ADAMTSL1: variants seen among roughly 807,000 people sequenced by gnomAD.
ADAMTSL1 encodes the protein ADAMTS-like protein 1.
A neutral mutation model predicts 201.8 loss-of-function variants in ADAMTSL1; 126 were observed. That is an observed-to-expected ratio of 0.62 (90% CI 0.54 to 0.72). The LOEUF (loss-of-function observed/expected upper bound fraction) is 0.72. ADAMTSL1 is among the 30% of genes least tolerant of loss of function. ADAMTSL1 has a pLI of 0.00. For missense variants in ADAMTSL1, 2,679 were observed against 2,277.8 expected (o/e 1.18, Z -3.59); for synonymous variants, 1,121 against 903.4 (o/e 1.24, Z -4.32).
chr9:18,829,779 T>C (rs762816275), intron 22 of ADAMTSL1, 64 bp from the exon 23 acceptor site: 6 of 1,602,102 alleles, frequency 3.7e-6, no homozygotes, highest in Non-Finnish European at 2.6e-6. Context: ...TACCCACCTC[T>C]TCCTCTTGCC....
At chr9:18,402,149 G>T (rs1022808859) in intron 2 of ADAMTSL1, among the ~76,000 whole-genome samples, 1 of 152,076 alleles carries the variant, frequency 6.6e-6, no homozygotes, top group Admixed American at 6.5e-5. Flanking sequence ...AGGCTCATTT[G>T]TCTGAAATCA....
intron 2 of ADAMTSL1, among the ~76,000 whole-genome samples, chr9:18,226,929 G>C (rs1012791484): frequency 6.6e-6 from 1 of 152,070 alleles, no homozygotes; most frequent in Non-Finnish European, 1.5e-5. Context: ...TTTGATGAAG[G>C]ATGGGGTCCA....
At chr9:17,935,327 T>C (rs1283911367) in intron 1 of ADAMTSL1, among the ~76,000 whole-genome samples, 1 of 152,146 alleles carries the variant, frequency 6.6e-6, no homozygotes, top group Non-Finnish European at 1.5e-5. Flanking sequence ...TTGGACACTT[T>C]CATTTTTTTC....
intron 7 of ADAMTSL1, among the ~76,000 whole-genome samples, chr9:18,641,124 C>G (rs537843293): frequency 1.3e-5 from 2 of 152,130 alleles, no homozygotes; most frequent in South Asian, 2.1e-4. Flanking sequence ...AACTCATTAC[C>G]TTTGCAGGAT....
chr9:18,024,616 A>G (rs560583634), intron 1 of ADAMTSL1, among the ~76,000 whole-genome samples: 7 of 152,212 alleles, frequency 4.6e-5, no homozygotes, highest in Admixed American at 2.6e-4. Flanking sequence ...TTATGGCCAT[A>G]TAGTATTCCA....
intron 2 of ADAMTSL1, among the ~76,000 whole-genome samples, chr9:18,193,836 T>G (rs1409608380): frequency 6.6e-6 from 1 of 152,142 alleles, no homozygotes; most frequent in African/African-American, 2.4e-5. Context: ...ATCCTCCCAG[T>G]CCCTTATTAT....
intron 1 of ADAMTSL1, among the ~76,000 whole-genome samples, chr9:18,502,427 GAGTT>G (rs1564001284): frequency 6.6e-6 from 1 of 152,204 alleles, no homozygotes; most frequent in African/African-American, 2.4e-5. Context: ...GGCAAACAAA[GAGTT>G]AGATGATACA....
chr9:18,666,752 C>A (rs1829460154), intron 9 of ADAMTSL1, among the ~76,000 whole-genome samples: 1 of 152,098 alleles, frequency 6.6e-6, no homozygotes, highest in Admixed American at 6.6e-5. Context: ...GCCTGTGGTT[C>A]AGCAACAACT....
intron 4 of ADAMTSL1, among the ~76,000 whole-genome samples, chr9:18,613,686 C>T (rs1400714899): frequency 6.6e-6 from 1 of 151,946 alleles, no homozygotes. Flanking sequence ...ATGACAAGAA[C>T]ACATGAAGAC....
intron 1 of ADAMTSL1, among the ~76,000 whole-genome samples, chr9:18,503,441 A>ATATATATATATATATATATATATATC (rs1822953348): frequency 6.8e-6 from 1 of 146,090 alleles, no homozygotes; most frequent in Non-Finnish European, 1.5e-5. Context: ...ATATATATAT[A>ATATATATATATATATATATATATATC]CCACATTTTG....
At chr9:18,160,760 G>T (rs1200577103) in intron 1 of ADAMTSL1, among the ~76,000 whole-genome samples, 3 of 150,938 alleles carry the variant, frequency 2.0e-5, no homozygotes, top group Non-Finnish European at 3.0e-5. Flanking sequence ...GCTCACTCTA[G>T]CCTCTGTCTG....
chr9:18,223,463 T>G (rs1830336396), intron 2 of ADAMTSL1, among the ~76,000 whole-genome samples: 1 of 152,072 alleles, frequency 6.6e-6, no homozygotes, highest in Non-Finnish European at 1.5e-5. Context: ...TCTTTTTGCT[T>G]CTTTTGTTGT....
chr9:18,643,976 G>A (rs1048639549), intron 7 of ADAMTSL1, among the ~76,000 whole-genome samples: 10 of 151,830 alleles, frequency 6.6e-5, no homozygotes, highest in South Asian at 6.2e-4. Flanking sequence ...TGGGTAGTAC[G>A]GACATTTAAC....
intron 21 of ADAMTSL1, among the ~76,000 whole-genome samples, chr9:18,824,472 T>G (rs959684176): frequency 1.3e-5 from 2 of 152,092 alleles, no homozygotes; most frequent in Non-Finnish European, 2.9e-5. Context: ...TAGCCCTGCC[T>G]CTCTTTCTCT....
intron 4 of ADAMTSL1, among the ~76,000 whole-genome samples, chr9:18,583,649 A>T (rs376329150): frequency 6.6e-5 from 10 of 152,254 alleles, no homozygotes; most frequent in African/African-American, 2.4e-4. Flanking sequence ...AGCTGCAGTC[A>T]CTCAACACCA....
intron 2 of ADAMTSL1, among the ~76,000 whole-genome samples, chr9:18,237,951 A>G (rs1289851713): frequency 6.6e-6 from 1 of 152,248 alleles, no homozygotes; most frequent in African/African-American, 2.4e-5. Context: ...ACTAGGGCAT[A>G]TGGCAGAGGA....
At chr9:17,996,779 C>T (rs1190807312) in intron 1 of ADAMTSL1, among the ~76,000 whole-genome samples, 1 of 152,074 alleles carries the variant, frequency 6.6e-6, no homozygotes, top group East Asian at 1.9e-4. Flanking sequence ...CTTCTCACCA[C>T]CACCCCCTTT....
intron 13 of ADAMTSL1, among the ~76,000 whole-genome samples, chr9:18,686,914 C>A (rs1250889207): frequency 6.6e-6 from 1 of 152,152 alleles, no homozygotes; most frequent in East Asian, 1.9e-4. Flanking sequence ...TAACTTTAAT[C>A]TTAATAAAAT....
intron 9 of ADAMTSL1, among the ~76,000 whole-genome samples, chr9:18,669,494 C>G (rs975491818): frequency 1.3e-5 from 2 of 152,114 alleles, no homozygotes; most frequent in East Asian, 3.9e-4. Flanking sequence ...TCCTTTTGAT[C>G]TGATTTCGGT....
Sources: allele counts gnomAD v4.1 joint callset (sites outside exome capture counted in the v4.1 genomes callset), GRCh38; gene constraint gnomAD v4.1.1; transcripts MANE v1.5; gene names NCBI Gene and HGNC (gene_info 2026-07-23, HGNC 2026-07-21).